Variants in EIF4EBP2 observed in about 807,000 individuals in gnomAD.
EIF4EBP2 encodes the protein eukaryotic translation initiation factor 4E-binding protein 2.
A neutral mutation model predicts 10.3 loss-of-function variants in EIF4EBP2; 5 were observed. The observed-to-expected ratio is 0.48, with a 90% CI of 0.25 to 1.02. EIF4EBP2 has a LOEUF of 1.02. Ranked by LOEUF, EIF4EBP2 falls within the 50% of genes least tolerant of loss-of-function variation. The probability of loss-of-function intolerance (pLI) is 0.15; values close to 1 mark genes in which losing one functional copy is unlikely to be tolerated. For synonymous variants in EIF4EBP2, 67 were observed against 61.1 expected, an observed-to-expected ratio of 1.10 and a Z score of -0.45; for missense variants, 188 against 162.2, an observed-to-expected ratio of 1.16 and a Z score of -0.86.
At chr10:70,419,826 A>G in intron 1 of EIF4EBP2, 88 bp from the exon 2 acceptor site, 1 of 974,808 alleles carries the variant, frequency 1.0e-6, no homozygotes, top group Non-Finnish European at 1.5e-6. Context: ...AGTTAGGATT[A>G]CATGGGATTT....
intron 1 of EIF4EBP2, among the ~76,000 whole-genome samples, chr10:70,415,231 A>G (rs901292397): frequency 2.0e-5 from 3 of 152,194 alleles, no homozygotes; most frequent in African/African-American, 7.2e-5. Context: ...GATAGGAATA[A>G]CTTTAGTCAC....
At position 70,425,052 on chromosome 10, in the gene EIF4EBP2, T is replaced by TA. The variant is rs1589149588; in HGVS notation, c.*3306dup. On this transcript the variant is annotated 3_prime_UTR_variant, in exon 3 of 3. Transcript: ENST00000373218. ...GTTCTGGCCCATGGTATCATGAAGT[T>TA]ACAGTCAAGATTGAACAGGGGCTGC... is the stretch of plus-strand genomic sequence containing the variant. 6.6e-6 allele frequency: 1 copy of TA among 152,260 alleles called. No homozygotes were observed. Among genetic ancestry groups the TA allele is most frequent in the African/African-American group, 2.4e-5 (1 of 41,480 alleles). The allele number at this position is 152,260 out of a possible 1,614,324, so 9.4% of individuals were successfully genotyped here. A position where few individuals can be genotyped will look rare whatever the true frequency, so the allele number is the denominator to read the frequency against.
At position 70,427,932 on chromosome 10, in the gene EIF4EBP2, G is replaced by C. The variant is rs1046391244; in HGVS notation, c.*6185G>C. Reference sequence around the variant, plus strand: ...GCACAAAATATCCATTCTTGCCCAAGTGTATCCCCTTTCTCTCCAGCTTAA... The same window carrying C: ...GCACAAAATATCCATTCTTGCCCAACTGTATCCCCTTTCTCTCCAGCTTAA... On this transcript the variant is annotated 3_prime_UTR_variant, in exon 3 of 3. Coordinates refer to ENST00000373218, the MANE Select transcript of EIF4EBP2 (RefSeq NM_004096.5). 1 of 148,760 alleles carries C rather than the reference G, an allele frequency of 6.7e-6. No individual in the cohort carries two copies. Among genetic ancestry groups the C allele is most frequent in the Non-Finnish European group, 1.5e-5 (1 of 66,962 alleles). 9.2% of individuals were successfully genotyped at this position (148,760 alleles called of 1,614,324 possible). A position where few individuals can be genotyped will look rare whatever the true frequency, so the allele number is the denominator to read the frequency against.
At position 70,416,855 on chromosome 10, in the gene EIF4EBP2, C is replaced by T. The variant is rs929888136; in HGVS notation, c.146-3059C>T. ...AATTTTTGTATTTTTTTTTAAGAGA[C>T]GGGATTTTGCCATGTTGCCCAGGCT... On this transcript the variant is annotated intron_variant, in intron 1 of 2. Coordinates refer to ENST00000373218, the MANE Select transcript of EIF4EBP2 (RefSeq NM_004096.5). Among the ~76,000 whole-genome samples the T allele has an allele frequency of 6.6e-5, 10 of 151,750 alleles. No homozygotes were observed. In the Middle Eastern group the frequency reaches 0.01, roughly 155 times the overall value.
chr10:70,427,090 G>A lies in EIF4EBP2; in HGVS notation c.*5343G>A, dbSNP rs1198339240. On this transcript the variant is annotated 3_prime_UTR_variant, in exon 3 of 3. Transcript: ENST00000373218. ...TTAGCCCTTTGCATTCCCCTTGAGC[G>A]AGGAAGCCACACTGCCTTTCTGTGT... The A allele has an allele frequency of 1.3e-5, 2 of 152,178 alleles. No homozygotes were observed. Among genetic ancestry groups the A allele is most frequent in the Admixed American group, 6.5e-5 (1 of 15,272 alleles). 9.4% of individuals were successfully genotyped at this position (152,178 alleles called of 1,614,324 possible).
chr10:70,411,959 G>A lies in EIF4EBP2; in HGVS notation c.145+7413G>A, dbSNP rs114892488. ...GAATGCAGATGTGGCTGACATTGTT[G>A]GTTTCCTGCTCAATAGCTATTCCCT... is the stretch of plus-strand genomic sequence containing the variant. On this transcript the variant is annotated intron_variant, in intron 1 of 2. Transcript: ENST00000373218. Among the ~76,000 whole-genome samples the A allele has an allele frequency of 3.0e-3, 452 of 152,212 alleles. 2 individuals carry two copies. The highest frequency in any genetic ancestry group is 0.01 in the African/African-American group (428 of 41,518).
In EIF4EBP2 at chr10:70,404,495, C is replaced by T; in HGVS notation, c.94C>T (p.His32Tyr). Residue 32 changes from histidine (H) to tyrosine (Y), a missense_variant, in exon 1 of 3, where the codon CAT becomes TAT. Transcript: ENST00000373218. ...VAISDAAQLP[H>Y]DYCTTPGGTL... ...CATCAGCGACGCCGCGCAGCTACCT[C>T]ATGACTATTGCACCACGCCCGGGGG... 1.3e-6 allele frequency: 2 copies of T among 1,599,656 alleles called. No individual in the cohort carries two copies. The highest frequency in any genetic ancestry group is 2.3e-5 in the East Asian group (1 of 43,258).
intron 1 of EIF4EBP2, among the ~76,000 whole-genome samples, chr10:70,413,734 C>T (rs1845066488): frequency 6.6e-6 from 1 of 151,454 alleles, no homozygotes; most frequent in African/African-American, 2.4e-5. Context: ...ACAGCATATA[C>T]AATATTGTGA....
intron 1 of EIF4EBP2, among the ~76,000 whole-genome samples, chr10:70,409,682 T>G (rs1482153750): frequency 6.6e-6 from 1 of 152,230 alleles, no homozygotes; most frequent in African/African-American, 2.4e-5. Context: ...TCCGCTACCT[T>G]ATTTCCTTTC....
rs534018450 is a variant in EIF4EBP2, at chr10:70,420,203, T to C, written c.331+104T>C. 4.2e-6 allele frequency: 5 copies of C among 1,179,374 alleles called. No individual in the cohort carries two copies. In the Middle Eastern group the frequency reaches 9.9e-4, roughly 234 times the overall value. The allele number at this position is 1,179,374 out of a possible 1,614,324, so 73.1% of individuals were successfully genotyped here. The stretch of plus-strand genomic sequence containing the variant: ...ATTGATTCTTCAGTTTTGTTTTTTG[T>C]TTTTTGTTTTTTTTGAGACACAGTC... On this transcript the variant is annotated intron_variant, in intron 2 of 2. Coordinates refer to ENST00000373218, the MANE Select transcript of EIF4EBP2 (RefSeq NM_004096.5).
chr10:70,419,645 T>TGA (rs1845134140), intron 1 of EIF4EBP2, among the ~76,000 whole-genome samples: 1 of 112,688 alleles, frequency 8.9e-6, no homozygotes, highest in African/African-American at 4.0e-5. Flanking sequence ...TTTAAAAAAG[T>TGA]GAGGGGTGGG....
At chr10:70,419,780 G>A (rs1845135141) in intron 1 of EIF4EBP2, 134 bp from the exon 2 acceptor site, 1 of 692,152 alleles carries the variant, frequency 1.4e-6, no homozygotes, top group Non-Finnish European at 2.3e-6. Context: ...AGAGGTTAGA[G>A]ATTATGCTTT....
intron 1 of EIF4EBP2, among the ~76,000 whole-genome samples, chr10:70,413,628 AAAAG>A (rs1845065307): frequency 1.3e-5 from 2 of 151,710 alleles, no homozygotes; most frequent in Non-Finnish European, 1.5e-5. Context: ...AAAAAAAAAA[AAAAG>A]AAATCAGAGT....
At chr10:70,413,397 A>T (rs1261208912) in intron 1 of EIF4EBP2, among the ~76,000 whole-genome samples, 3 of 152,112 alleles carry the variant, frequency 2.0e-5, no homozygotes, top group Non-Finnish European at 4.4e-5. Context: ...AGGCCAAGGC[A>T]GGAGAATCGC....
chr10:70,409,674 C>T lies in EIF4EBP2; in HGVS notation c.145+5128C>T, dbSNP rs541231963. On this transcript the variant is annotated intron_variant, in intron 1 of 2. Transcript: ENST00000373218. ...GAATGCTAGCTAATATGATTCTTTC[C>T]GCTACCTTATTTCCTTTCTAGGTGC... Among the ~76,000 whole-genome samples the T allele has an allele frequency of 4.3e-3, 653 of 152,278 alleles. 15 individuals are homozygous for T. Among genetic ancestry groups the T allele is most frequent in the African/African-American group, 6.8e-3 (281 of 41,548 alleles).
At position 70,421,968 on chromosome 10, in the gene EIF4EBP2, T is replaced by G. The variant is rs1306963369; in HGVS notation, c.*221T>G. Reference sequence around the variant, plus strand: ...CTGTTCCCCTTCCCAGTTAAACAGGTTAGATTGAAGGCCCTTGCTGTATTT... The same window carrying G: ...CTGTTCCCCTTCCCAGTTAAACAGGGTAGATTGAAGGCCCTTGCTGTATTT... On this transcript the variant is annotated 3_prime_UTR_variant, in exon 3 of 3. Transcript: ENST00000373218. 7.4e-6 allele frequency: 4 copies of G among 540,094 alleles called. No individual in the cohort carries two copies. Among genetic ancestry groups the G allele is most frequent in the Non-Finnish European group, 1.3e-5 (4 of 301,666 alleles). The allele number at this position is 540,094 out of a possible 1,614,324, so 33.5% of individuals were successfully genotyped here. A position where few individuals can be genotyped will look rare whatever the true frequency, so the allele number is the denominator to read the frequency against.
chr10:70,413,609 CAAAAAAAAAAAAA>C (rs57681671), intron 1 of EIF4EBP2, among the ~76,000 whole-genome samples: 10 of 97,338 alleles, frequency 1.0e-4, no homozygotes, highest in African/African-American at 3.5e-4. Context: ...CCCTGACTCT[CAAAAAAAAAAAAA>C]AAAAAAAAAG....
chr10:70,421,614 A>G, intron 2 of EIF4EBP2, 102 bp from the exon 3 acceptor site: 1 of 1,074,412 alleles, frequency 9.3e-7, no homozygotes, highest in Non-Finnish European at 1.4e-6. Context: ...GAGTGGGACA[A>G]TTTGAATTAC....
At chr10:70,410,045 T>C (rs1845027744) in intron 1 of EIF4EBP2, among the ~76,000 whole-genome samples, 1 of 151,886 alleles carries the variant, frequency 6.6e-6, no homozygotes, top group African/African-American at 2.4e-5. Context: ...ATAAAGAGTA[T>C]TGGGGGTGAA....
Sources: gnomAD v4.1 joint callset for allele counts (sites outside exome capture counted in the v4.1 genomes callset) on GRCh38, gnomAD v4.1.1 for gene constraint, MANE v1.5 for transcripts, NCBI Gene and HGNC (gene_info 2026-07-23, HGNC 2026-07-21) for gene names.